Variants in KRT24 observed in about 807,000 individuals in gnomAD.
KRT24 encodes the protein keratin, type I cytoskeletal 24.
In KRT24, 44 loss-of-function variants were observed where a neutral mutation model predicts 51.7. That is an observed-to-expected ratio of 0.85 (90% CI 0.67 to 1.09). The LOEUF (loss-of-function observed/expected upper bound fraction) is 1.09. Among genes scored for constraint, KRT24 ranks in the 50% least tolerant of loss-of-function variants. KRT24 has a pLI of 0.00. For synonymous variants in KRT24, 241 were observed against 249.5 expected, an observed-to-expected ratio of 0.97 and a Z score of 0.32; for missense variants, 633 against 647.0, an observed-to-expected ratio of 0.98 and a Z score of 0.24.
chr17:40,699,374 G>A, intron 6 of KRT24, 70 bp downstream of exon 6: 1 of 1,193,420 alleles, frequency 8.4e-7, no homozygotes, highest in South Asian at 1.2e-5. Context: ...TAAGCCCTGA[G>A]TCCCATTTTG....
Position 40,699,547 on chromosome 17 carries a change from C to G in KRT24, c.1258G>C (p.Glu420Gln). 1 of 1,613,952 alleles carries G rather than the reference C, an allele frequency of 6.2e-7. No homozygotes were observed. The highest frequency in any genetic ancestry group is 8.5e-7 in the Non-Finnish European group (1 of 1,179,798). The change falls in exon 6 of 8, where the codon GAG (glutamate) becomes CAG (glutamine). Residue 420 changes from glutamate (E) to glutamine (Q), a missense_variant. Coordinates refer to ENST00000264651, the MANE Select transcript of KRT24 (RefSeq NM_019016.3). ...TACTCTGCGTTCTGGCATTTAGTCTCACCCCAGATCTGGCAGATCTCCTCC... is the reference window on the plus strand; with the variant it reads ...TACTCTGCGTTCTGGCATTTAGTCTGACCCCAGATCTGGCAGATCTCCTCC... The part of the protein sequence containing the change: ...LEEEICQIWG[E>Q]TKCQNAEYKQ...
intron 5 of KRT24, 152 bp downstream of exon 5, chr17:40,699,846 C>T: frequency 8.8e-7 from 1 of 1,137,378 alleles, no homozygotes; most frequent in South Asian, 1.5e-5. Flanking sequence ...AAATAGAGTA[C>T]ATTATCTTTA....
At position 40,703,067 on chromosome 17, in the gene KRT24, A is replaced by G. The variant is rs987198715; in HGVS notation, c.615+12T>C. 13 of 1,571,716 alleles carry G rather than the reference A, an allele frequency of 8.3e-6. No individual in the cohort carries two copies. Among genetic ancestry groups the G allele is most frequent in the African/African-American group, 1.4e-5 (1 of 73,368 alleles). ...CCACAAATAATAGAAACTCAGGCAC[A>G]GATAGTCTCACCTGGTTTCTGAGAT... is the stretch of plus-strand genomic sequence containing the variant. On this transcript the variant is annotated intron_variant, in intron 1 of 7. Coordinates refer to ENST00000264651, the MANE Select transcript of KRT24 (RefSeq NM_019016.3).
rs756465261 is a variant in KRT24 at position 40,700,320 on chromosome 17, C to G, written c.919G>C (p.Gly307Arg). ...EVTVEMNAAP[G>R]TDLTKLLNDM... ...TTCAGTAATTTGGTCAGGTCGGTCC[C>G]TGGCGCAGCATTCATTTCTACGGTC... is the stretch of plus-strand genomic sequence containing the variant. Residue 307 changes from glycine to arginine, a missense_variant, in exon 4 of 8, where the codon GGG (glycine) becomes CGG (arginine). Transcript: ENST00000264651. The G allele has an allele frequency of 1.2e-6, 2 of 1,613,996 alleles. No homozygotes were observed. The highest frequency in any genetic ancestry group is 4.5e-5 in the East Asian group (2 of 44,888).
intron 6 of KRT24, 72 bp from the exon 7 acceptor site, chr17:40,698,722 C>T (rs1015881129): frequency 1.9e-5 from 15 of 781,112 alleles, no homozygotes; most frequent in Non-Finnish European, 3.4e-5. Flanking sequence ...CCCGGGGATT[C>T]TTCATGATGA....
Position 40,699,599 on chromosome 17 carries a change from T to A in KRT24, c.1206A>T (p.Glu402Asp). Residue 402 changes from glutamate to aspartate, a missense_variant, in exon 6 of 8, where the codon GAA (glutamate) becomes GAT (aspartate). Coordinates refer to ENST00000264651, the MANE Select transcript of KRT24 (RefSeq NM_019016.3). ...CCAGGGCACTGATCTGCGTTTGAATTTCTGACAGCTGAGCCACGTAGCCAG... is the reference window on the plus strand; with the variant it reads ...CCAGGGCACTGATCTGCGTTTGAATATCTGACAGCTGAGCCACGTAGCCAG... ...TEAGYVAQLS[E>D]IQTQISALEE... 6.2e-7 allele frequency: 1 copy of A among 1,614,194 alleles called. No homozygotes were observed. Among genetic ancestry groups the A allele is most frequent in the African/African-American group, 1.3e-5 (1 of 75,040 alleles).
At chr17:40,701,767 A>C in intron 2 of KRT24, 84 bp downstream of exon 2, 1 of 40,802 alleles carries the variant, frequency 2.5e-5, no homozygotes, top group Non-Finnish European at 4.6e-5. Context: ...ATATATATAT[A>C]TATATATATA....
chr17:40,703,610 G>A lies in KRT24; in HGVS notation c.84C>T (p.Ser28=), dbSNP rs1597779236. Residue 28 remains serine (S), a synonymous_variant, in exon 1 of 8, where the codon AGC becomes AGT. Coordinates refer to ENST00000264651, the MANE Select transcript of KRT24 (RefSeq NM_019016.3). ...ARVSAGGSSF[S]SGSRCGLGGS... ...CCCCCAGACCACATCTGCTTCCACT[G>A]CTGAAGCTGCTTCCACCAGCAGACA... 1 of 1,612,338 alleles carries A rather than the reference G, an allele frequency of 6.2e-7. No homozygotes were observed. Among genetic ancestry groups the A allele is most frequent in the Middle Eastern group, 1.7e-4 (1 of 5,966 alleles).
rs1183636588 is a variant in KRT24 at position 40,703,115 on chromosome 17, G to T, written c.579C>A (p.Ser193Arg). Reference protein sequence around the residue: ...SGDGGSGRDYSKYYSIIEDLR... With the variant: ...SGDGGSGRDYRKYYSIIEDLR... ...GATCTTCAATTATTGAATAGTATTT[G>T]CTATAATCTCTTCCCGATCCACCGT... Residue 193 changes from serine to arginine, a missense_variant, in exon 1 of 8, where the codon AGC becomes AGA. By Grantham distance (110) the Ser-to-Arg change is moderately radical (BLOSUM62 -1). Transcript: ENST00000264651. 3 of 1,612,154 alleles carry T rather than the reference G, an allele frequency of 1.9e-6. No individual in the cohort carries two copies. Among genetic ancestry groups the T allele is most frequent in the Non-Finnish European group, 2.5e-6 (3 of 1,179,224 alleles).
rs770612859 is a variant in KRT24, at chr17:40,700,364, C to T, written c.875G>A (p.Gly292Glu). ...NHEEEMKNMQ[G>E]SSGGEVTVEM... ...TACGGTCACCTCCCCTCCAGAGCTT[C>T]CTTGCATATTCTTCATTTCCTAGCA... The change falls in exon 4 of 8, where the codon GGA becomes GAA. Residue 292 changes from glycine (G) to glutamate (E), a missense_variant. By Grantham distance (98) the Gly-to-Glu change is moderately conservative (BLOSUM62 -2). Transcript: ENST00000264651. 2 of 1,612,938 alleles carry T rather than the reference C, an allele frequency of 1.2e-6. No individual in the cohort carries two copies. The highest frequency in any genetic ancestry group is 1.7e-5 in the Admixed American group (1 of 59,818).
chr17:40,700,477 C>T (rs2037664054), intron 3 of KRT24, 94 bp from the exon 4 acceptor site: 2 of 861,126 alleles, frequency 2.3e-6, no homozygotes, highest in African/African-American at 1.7e-5. Context: ...AAGTAGGACA[C>T]TGAAAGGAAA....
At chr17:40,700,197 T>C in intron 4 of KRT24, 25 bp downstream of exon 4, 1 of 1,613,964 alleles carries the variant, frequency 6.2e-7, no homozygotes, top group South Asian at 1.1e-5. Flanking sequence ...GCTACTGGCT[T>C]AGGTGCTCAG....
In KRT24 at chr17:40,701,873, C is replaced by T. The variant is rs1017617782; in HGVS notation, c.676G>A (p.Ala226Thr). 1.4e-6 allele frequency: 2 copies of T among 1,479,826 alleles called. No homozygotes were observed. The highest frequency in any genetic ancestry group is 2.9e-5 in the African/African-American group (2 of 68,716). The allele number at this position is 1,479,826 out of a possible 1,614,324, so 91.7% of individuals were successfully genotyped here. ...IILHIDNARL[A>T]ADDFRLKYEN... ...TACTTCAGTCTGAAGTCATCAGCAG[C>T]CAATCTGGCATTGTCAATGTGCAAA... The change falls in exon 2 of 8, where the codon GCT becomes ACT. Residue 226 changes from alanine (A) to threonine (T), a missense_variant. Transcript: ENST00000264651.
intron 2 of KRT24, 116 bp from the exon 3 acceptor site, chr17:40,701,412 T>C: frequency 1.4e-6 from 1 of 728,890 alleles, no homozygotes. Context: ...TTTTAATAAA[T>C]AAAGGTTATT....
chr17:40,702,963 T>C, intron 1 of KRT24, 116 bp downstream of exon 1: 1 of 1,079,430 alleles, frequency 9.3e-7, no homozygotes, highest in Non-Finnish European at 1.3e-6. Flanking sequence ...CCACTTTGCA[T>C]ATGTAACAAG....
chr17:40,701,531 C>CTTTCTTTTTTCTT (rs973866871), intron 2 of KRT24, among the ~76,000 whole-genome samples: 1 of 151,496 alleles, frequency 6.6e-6, no homozygotes, highest in Non-Finnish European at 1.5e-5. Context: ...AAATTTGCCT[C>CTTTCTTTTTTCTT]TTTCTTTTTT....
At chr17:40,702,546 G>C (rs2037695945) in intron 1 of KRT24, among the ~76,000 whole-genome samples, 1 of 152,134 alleles carries the variant, frequency 6.6e-6, no homozygotes, top group Non-Finnish European at 1.5e-5. Context: ...TACTTTGTTA[G>C]ATCATTATCT....
Position 40,701,272 on chromosome 17 carries a change from C to T in KRT24, c.723G>A (p.Arg241=). 6.2e-7 allele frequency: 1 copy of T among 1,613,536 alleles called. No homozygotes were observed. Among genetic ancestry groups the T allele is most frequent in the Non-Finnish European group, 8.5e-7 (1 of 1,179,806 alleles). Residue 241 remains arginine, a synonymous_variant, in exon 3 of 8, where the codon CGG becomes CGA. Transcript: ENST00000264651. ...CATTGATGTCAGCCTCCACGCTCTGCCGGAGACACAGCTCGTTCTCATACC... is the reference window on the plus strand; with the variant it reads ...CATTGATGTCAGCCTCCACGCTCTGTCGGAGACACAGCTCGTTCTCATACC... ...RLKYENELCL[R]QSVEADINGL...
Position 40,698,020 on chromosome 17 carries a change from A to G in KRT24, c.*217T>C. ...CTTGCAAAAGTAAATTTATTGAAGC[A>G]TAGAAACAATTAAAGCAAAGTTGTT... On this transcript the variant is annotated 3_prime_UTR_variant, in exon 8 of 8. Transcript: ENST00000264651. The G allele has an allele frequency of 1.9e-6, 1 of 518,896 alleles. No individual in the cohort carries two copies. Among genetic ancestry groups the G allele is most frequent in the Middle Eastern group, 5.2e-4 (1 of 1,940 alleles). 32.1% of individuals were successfully genotyped at this position (518,896 alleles called of 1,614,324 possible).
Sources: gnomAD v4.1 joint callset for allele counts (sites outside exome capture counted in the v4.1 genomes callset) on GRCh38, gnomAD v4.1.1 for gene constraint, MANE v1.5 for transcripts, NCBI Gene and HGNC (gene_info 2026-07-23, HGNC 2026-07-21) for gene names.